ITGA1: variants seen among roughly 807,000 people sequenced by gnomAD.
ITGA1 encodes the protein integrin subunit alpha 1, also known as integrin alpha-1.
In ITGA1, 85 loss-of-function variants were observed where a neutral mutation model predicts 145.9. The observed-to-expected ratio is 0.58, with a 90% confidence interval of 0.49 to 0.70. ITGA1 has a LOEUF of 0.70. Ranked by LOEUF, ITGA1 falls within the 30% of genes least tolerant of loss-of-function variation. ITGA1 has a pLI of 0.00. For missense variants in ITGA1, 1,351 were observed against 1,418.7 expected, an observed-to-expected ratio of 0.95 and a Z score of 0.77; for synonymous variants, 520 against 495.3, an observed-to-expected ratio of 1.05 and a Z score of -0.66.
intron 9 of ITGA1, among the ~76,000 whole-genome samples, 195 bp downstream of exon 9, chr5:52,894,035 T>C (rs1029389962): frequency 1.3e-5 from 2 of 152,044 alleles, no homozygotes; most frequent in Non-Finnish European, 2.9e-5. Flanking sequence ...CTGTGTCTGC[T>C]AGAGACTCTC....
At chr5:52,903,157 A>G (rs1391949663) in intron 11 of ITGA1, 2 of 151,772 alleles carry the variant, frequency 1.3e-5, no homozygotes, top group Non-Finnish European at 2.9e-5. Flanking sequence ...ATAATTTTTA[A>G]CTCATTTTTA....
intron 6 of ITGA1, among the ~76,000 whole-genome samples, chr5:52,880,852 T>C (rs1749945370): frequency 6.6e-6 from 1 of 152,232 alleles, no homozygotes; most frequent in African/African-American, 2.4e-5. Context: ...TCAGTCACAA[T>C]TTTTAATGCA....
At chr5:52,911,502 G>T (rs1302509661) in intron 14 of ITGA1, among the ~76,000 whole-genome samples, 11 of 105,814 alleles carry the variant, frequency 1.0e-4, no homozygotes, top group Admixed American at 3.6e-4. Flanking sequence ...ATATATAGTA[G>T]ATACACTATA....
At position 52,861,546 on chromosome 5, in the gene ITGA1, G is replaced by A; in HGVS notation, c.282G>A (p.Lys94=). 1 of 1,604,364 alleles carries A rather than the reference G, an allele frequency of 6.2e-7. No individual in the cohort carries two copies. The highest frequency in any genetic ancestry group is 8.5e-7 in the Non-Finnish European group (1 of 1,171,282). Residue 94 remains lysine (K), a synonymous_variant, in exon 3 of 29, where the codon AAG becomes AAA. Transcript: ENST00000282588. ...VGRGESLPCV[K]LDLPVNTSIP... The stretch of plus-strand genomic sequence containing the variant: ...GAGGTGAATCATTACCTTGTGTAAA[G>A]TTGGATCTACCAGGTATGTAAAATT...
intron 1 of ITGA1, among the ~76,000 whole-genome samples, chr5:52,837,486 T>C (rs1001634386): frequency 1.3e-5 from 2 of 152,152 alleles, no homozygotes; most frequent in African/African-American, 4.8e-5. Flanking sequence ...GTTAAAGCCA[T>C]GTTTTTATTC....
At chr5:52,792,462 A>T (rs1373292809) in intron 1 of ITGA1, among the ~76,000 whole-genome samples, 2 of 152,180 alleles carry the variant, frequency 1.3e-5, no homozygotes, top group African/African-American at 4.8e-5. Flanking sequence ...CATGAGACAC[A>T]TATATATGCT....
chr5:52,804,348 A>G (rs1437889266), intron 1 of ITGA1, among the ~76,000 whole-genome samples: 2 of 152,196 alleles, frequency 1.3e-5, no homozygotes, highest in Non-Finnish European at 2.9e-5. Flanking sequence ...AAGCTTGCAC[A>G]TTATTTCATT....
intron 13 of ITGA1, among the ~76,000 whole-genome samples, chr5:52,909,539 C>A (rs1452825763): frequency 1.3e-5 from 2 of 152,048 alleles, no homozygotes; most frequent in Non-Finnish European, 1.5e-5. Flanking sequence ...TTTTTAATTT[C>A]TTCATTAGAA....
At chr5:52,937,552 T>C (rs776075185) in intron 24 of ITGA1, 38 bp downstream of exon 24, 18 of 1,219,098 alleles carry the variant, frequency 1.5e-5, no homozygotes, top group Non-Finnish European at 2.1e-5. Context: ...TCATTACTGT[T>C]ATCTTTTCCA....
At chr5:52,846,284 T>C (rs1444605515) in intron 1 of ITGA1, among the ~76,000 whole-genome samples, 1 of 152,052 alleles carries the variant, frequency 6.6e-6, no homozygotes, top group Non-Finnish European at 1.5e-5. Flanking sequence ...GCACCTGTAA[T>C]CTCAGCTACT....
In ITGA1 at chr5:52,957,005, A is replaced by C. The variant is rs558997573; in HGVS notation, c.*4554A>C. ...GCTAAATGCTGCTGTTTCTAAGTGG[A>C]AGCACTGTTGAACAACACTCTTAGG... On this transcript the variant is annotated 3_prime_UTR_variant, in exon 29 of 29. Transcript: ENST00000282588. 2 of 152,346 alleles carry C rather than the reference A, an allele frequency of 1.3e-5. No individual in the cohort carries two copies. Among genetic ancestry groups the C allele is most frequent in the South Asian group, 4.1e-4 (2 of 4,824 alleles). 9.4% of individuals were successfully genotyped at this position (152,346 alleles called of 1,614,324 possible). A position where few individuals can be genotyped will look rare whatever the true frequency, so the allele number is the denominator to read the frequency against.
intron 18 of ITGA1, among the ~76,000 whole-genome samples, chr5:52,923,326 C>T (rs1231212662): frequency 6.6e-6 from 1 of 152,070 alleles, no homozygotes; most frequent in Non-Finnish European, 1.5e-5. Flanking sequence ...TCCGTTTTCT[C>T]AATGGCTTTA....
chr5:52,897,796 G>T (rs1039626566), intron 10 of ITGA1, among the ~76,000 whole-genome samples: 1 of 151,978 alleles, frequency 6.6e-6, no homozygotes, highest in African/African-American at 2.4e-5. Flanking sequence ...TTATGTATCT[G>T]TCTAAATGAA....
intron 2 of ITGA1, among the ~76,000 whole-genome samples, chr5:52,858,110 T>A (rs997045664): frequency 6.6e-6 from 1 of 152,230 alleles, no homozygotes; most frequent in African/African-American, 2.4e-5. Context: ...CCATATCTTG[T>A]CATTTGACTC....
intron 1 of ITGA1, among the ~76,000 whole-genome samples, chr5:52,847,829 A>G (rs1210892792): frequency 6.6e-6 from 1 of 152,190 alleles, no homozygotes; most frequent in East Asian, 1.9e-4. Context: ...GATTACAGGC[A>G]TGAGCCATCA....
intron 1 of ITGA1, 28 bp from the exon 2 acceptor site, chr5:52,849,337 G>A (rs774902695): frequency 1.6e-5 from 26 of 1,576,552 alleles, no homozygotes; most frequent in East Asian, 1.4e-4. Flanking sequence ...TTAACTCTAT[G>A]TAACTGGATT....
chr5:52,803,151 C>T (rs1258411832), intron 1 of ITGA1: 2 of 152,126 alleles, frequency 1.3e-5, no homozygotes, highest in Non-Finnish European at 2.9e-5. Context: ...GTGGGCCTTC[C>T]TCCTGGTGTG....
rs571572692 is a variant in ITGA1, at chr5:52,820,868, G to A, written c.62-28497G>A. 2.0e-5 allele frequency among the ~76,000 whole-genome samples: 3 copies of A among 152,216 alleles called. No individual in the cohort carries two copies. In the East Asian group the frequency reaches 5.8e-4, roughly 29 times the overall value. ...GGAGGATATTTGCTATATTCTGCTA[G>A]TTTCCCCAATTTAAGGTTGTCTGTT... is the stretch of plus-strand genomic sequence containing the variant. On this transcript the variant is annotated intron_variant, in intron 1 of 28. Transcript: ENST00000282588.
intron 1 of ITGA1, chr5:52,803,063 A>G (rs1748519626): frequency 6.6e-6 from 1 of 152,218 alleles, no homozygotes; most frequent in South Asian, 2.1e-4. Context: ...GTGATGATAC[A>G]GTTTTTAACT....
Sources: allele counts gnomAD v4.1 joint callset (sites outside exome capture counted in the v4.1 genomes callset), GRCh38; gene constraint gnomAD v4.1.1; transcripts MANE v1.5; gene names NCBI Gene and HGNC (gene_info 2026-07-23, HGNC 2026-07-21).